Variants in CNBD1 observed in about 807,000 individuals in gnomAD.
CNBD1 encodes the protein cyclic nucleotide binding domain containing 1.
In CNBD1, 71 loss-of-function variants were observed where a neutral mutation model predicts 54.4. That is an observed-to-expected ratio of 1.30 (90% CI 1.08 to 1.59). The LOEUF is 1.59. CNBD1 is among the 40% of genes most tolerant of loss of function. The pLI is 0.00. For synonymous variants in CNBD1, 182 were observed against 170.7 expected (o/e 1.07, Z -0.51); for missense variants, 659 against 518.0 (o/e 1.27, Z -2.64).
chr8:86,876,219 TG>T (rs755865012), intron 1 of CNBD1, among the ~76,000 whole-genome samples: 1 of 151,292 alleles, frequency 6.6e-6, no homozygotes, highest in Non-Finnish European at 1.5e-5. Context: ...GTGTTTGTGG[TG>T]GAGGAAAACT....
intron 4 of CNBD1, among the ~76,000 whole-genome samples, chr8:87,176,870 A>T (rs561085150): frequency 6.6e-6 from 1 of 152,282 alleles, no homozygotes; most frequent in African/African-American, 2.4e-5. Flanking sequence ...GTAAATCAAG[A>T]TAACTATAAA....
At chr8:87,291,037 G>T (rs958901440) in intron 8 of CNBD1, among the ~76,000 whole-genome samples, 1 of 152,004 alleles carries the variant, frequency 6.6e-6, no homozygotes, top group African/African-American at 2.4e-5. Context: ...TATATTGTTA[G>T]CTATGCTAAT....
At chr8:87,372,626 T>G (rs1810836563) in intron 10 of CNBD1, among the ~76,000 whole-genome samples, 1 of 151,856 alleles carries the variant, frequency 6.6e-6, no homozygotes, top group East Asian at 1.9e-4. Flanking sequence ...ATCAATCTAG[T>G]AATAGCTTTT....
intron 10 of CNBD1, among the ~76,000 whole-genome samples, chr8:87,378,581 G>A (rs1810999987): frequency 6.7e-6 from 1 of 149,950 alleles, no homozygotes; most frequent in South Asian, 2.1e-4. Flanking sequence ...TTGAAGTCAG[G>A]TAGTGTGATG....
At chr8:87,075,912 T>C (rs1375858491) in intron 4 of CNBD1, among the ~76,000 whole-genome samples, 1 of 152,228 alleles carries the variant, frequency 6.6e-6, no homozygotes, top group Non-Finnish European at 1.5e-5. Flanking sequence ...TATTATCTTT[T>C]TATTTTTGTC....
chr8:87,221,785 T>G (rs541174140), intron 5 of CNBD1, among the ~76,000 whole-genome samples: 1 of 152,264 alleles, frequency 6.6e-6, no homozygotes, highest in African/African-American at 2.4e-5. Context: ...TGAAATAAAT[T>G]TCTTTACATC....
chr8:87,403,131 A>T (rs1049279038), intron 2 of CNBD1, among the ~76,000 whole-genome samples: 14 of 31,318 alleles, frequency 4.5e-4, no homozygotes, highest in African/African-American at 9.6e-4. Context: ...ATAGAAAATA[A>T]AAAAAAAATT....
intron 4 of CNBD1, among the ~76,000 whole-genome samples, chr8:87,180,255 A>G (rs1813284581): frequency 6.6e-6 from 1 of 152,222 alleles, no homozygotes; most frequent in Non-Finnish European, 1.5e-5. Context: ...TTAAGCATGA[A>G]TTGGTTGTTT....
chr8:87,299,156 CA>C (rs1197437970), intron 8 of CNBD1, among the ~76,000 whole-genome samples: 2 of 152,134 alleles, frequency 1.3e-5, no homozygotes, highest in Admixed American at 1.3e-4. Flanking sequence ...CCAGTCAGTA[CA>C]AAAATCTGGG....
chr8:87,255,139 G>A (rs913906791), intron 6 of CNBD1, among the ~76,000 whole-genome samples: 4 of 152,046 alleles, frequency 2.6e-5, no homozygotes, highest in African/African-American at 9.7e-5. Context: ...GGTTACTTAA[G>A]ACCCTTTGCA....
intron 8 of CNBD1, among the ~76,000 whole-genome samples, chr8:87,293,640 A>C (rs1808824078): frequency 1.3e-5 from 2 of 152,240 alleles, no homozygotes; most frequent in South Asian, 4.1e-4. Context: ...TCAAAGATTT[A>C]ATAATTAGAA....
At chr8:87,419,290 G>C (rs911556229) in intron 2 of CNBD1, among the ~76,000 whole-genome samples, 1 of 151,784 alleles carries the variant, frequency 6.6e-6, no homozygotes, top group Non-Finnish European at 1.5e-5. Context: ...GTGTTTGCTA[G>C]GATCTGAAAA....
chr8:86,909,119 C>A (rs1233098479), intron 3 of CNBD1, among the ~76,000 whole-genome samples: 1 of 152,044 alleles, frequency 6.6e-6, no homozygotes, highest in Non-Finnish European at 1.5e-5. Context: ...ACATAATGGT[C>A]ATTTTTTTTA....
chr8:87,067,473 T>A (rs879611680), intron 4 of CNBD1, among the ~76,000 whole-genome samples: 1 of 152,008 alleles, frequency 6.6e-6, no homozygotes, highest in Non-Finnish European at 1.5e-5. Context: ...CTTTGATTTT[T>A]GAAGATGTTG....
chr8:87,042,774 TATATAA>T (rs1810100013), intron 4 of CNBD1, among the ~76,000 whole-genome samples: 1 of 152,078 alleles, frequency 6.6e-6, no homozygotes, highest in Non-Finnish European at 1.5e-5. Context: ...AACATGTAAA[TATATAA>T]ATATAATATG....
intron 4 of CNBD1, among the ~76,000 whole-genome samples, chr8:87,027,757 T>A (rs1809682408): frequency 6.6e-6 from 1 of 152,234 alleles, no homozygotes; most frequent in African/African-American, 2.4e-5. Flanking sequence ...ATCTCCAGAT[T>A]CCAAAGAATA....
chr8:87,215,603 A>G (rs1449824816), intron 5 of CNBD1, among the ~76,000 whole-genome samples: 2 of 151,974 alleles, frequency 1.3e-5, no homozygotes, highest in Non-Finnish European at 2.9e-5. Context: ...AAAAAAAAAA[A>G]AGAGTTTCTT....
chr8:87,410,166 G>T (rs1313895151), intron 2 of CNBD1, among the ~76,000 whole-genome samples: 1 of 152,128 alleles, frequency 6.6e-6, no homozygotes, highest in Non-Finnish European at 1.5e-5. Flanking sequence ...CAGAAGAAAA[G>T]ATTCATTTAC....
intron 4 of CNBD1, among the ~76,000 whole-genome samples, chr8:87,032,186 T>C (rs1465204513): frequency 6.6e-6 from 1 of 152,204 alleles, no homozygotes; most frequent in Non-Finnish European, 1.5e-5. Flanking sequence ...TTTTAAAATT[T>C]TATTGGAATC....
Sources: allele counts gnomAD v4.1 joint callset (sites outside exome capture counted in the v4.1 genomes callset), GRCh38; gene constraint gnomAD v4.1.1; transcripts MANE v1.5; gene names NCBI Gene and HGNC (gene_info 2026-07-23, HGNC 2026-07-21).